Variants in HEPHL1 observed in about 807,000 individuals in gnomAD.
The protein encoded by HEPHL1 is ferroxidase HEPHL1.
Under a neutral mutation model 122.0 loss-of-function variants are expected in HEPHL1, and 123 were observed. The ratio of observed to expected loss-of-function variants is 1.01; its 90% CI spans 0.87 to 1.17. HEPHL1 has a LOEUF of 1.17. Ranked by LOEUF, HEPHL1 falls within the 50% of genes most tolerant of loss-of-function variation. The pLI is 0.00. For synonymous variants in HEPHL1, 527 were observed against 508.9 expected, an observed-to-expected ratio of 1.04 and a Z score of -0.48; for missense variants, 1,452 against 1,430.5, an observed-to-expected ratio of 1.01 and a Z score of -0.24.
intron 10 of HEPHL1, among the ~76,000 whole-genome samples, chr11:94,084,637 T>C (rs982325007): frequency 9.9e-5 from 15 of 152,192 alleles, no homozygotes; most frequent in African/African-American, 3.6e-4. Flanking sequence ...AAAGAGAGGC[T>C]TTAAACAAGC....
chr11:94,072,272 A>G (rs926792357), intron 6 of HEPHL1, among the ~76,000 whole-genome samples: 7 of 152,104 alleles, frequency 4.6e-5, no homozygotes, highest in Non-Finnish European at 8.8e-5. Flanking sequence ...AGGTTCATAT[A>G]ATGGGCTCCA....
intron 15 of HEPHL1, among the ~76,000 whole-genome samples, chr11:94,103,807 G>C (rs1033529504): frequency 1.3e-5 from 2 of 152,134 alleles, no homozygotes; most frequent in Non-Finnish European, 2.9e-5. Context: ...AGTTATACTG[G>C]ACAGTTCTAG....
At chr11:94,058,497 A>G (rs1025053550) in intron 2 of HEPHL1, among the ~76,000 whole-genome samples, 3 of 152,114 alleles carry the variant, frequency 2.0e-5, no homozygotes, top group African/African-American at 7.2e-5. Flanking sequence ...GTTGCTTCCA[A>G]AATATCATCC....
Position 94,067,678 on chromosome 11 carries a change from C to T in HEPHL1, c.991C>T (p.Leu331Phe), listed in dbSNP as rs1053915084. The T allele has an allele frequency of 7.4e-6, 12 of 1,613,606 alleles. No individual in the cohort carries two copies. The African/African-American group carries it at 1.5e-4, about 20-fold the overall frequency. Residue 331 changes from leucine (L) to phenylalanine (F), a missense_variant, in exon 5 of 20, where the codon CTT (leucine) becomes TTT (phenylalanine). Physicochemically the swap from Leu to Phe is conservative, Grantham distance 22 (BLOSUM62 0). Coordinates refer to ENST00000315765, the MANE Select transcript of HEPHL1 (RefSeq NM_001098672.2). Reference protein sequence around the residue: ...DVVNLFPATFLTTEMIAENPG... With the variant: ...DVVNLFPATFFTTEMIAENPG... ...CGTCAACCTGTTCCCAGCCACCTTC[C>T]TTACAACAGAAATGATAGCCGAGAA...
chr11:94,075,193 G>A lies in HEPHL1; in HGVS notation c.1524G>A (p.Ala508=), dbSNP rs147597778. 100 of 1,612,794 alleles carry A rather than the reference G, an allele frequency of 6.2e-5. No homozygotes were observed. Among genetic ancestry groups the A allele is most frequent in the East Asian group, 3.3e-4 (15 of 44,864 alleles). Residue 508 remains alanine, a synonymous_variant, in exon 9 of 20, where the codon GCG becomes GCA. Transcript: ENST00000315765. The part of the protein sequence containing the change: ...PNLDGFVKPG[A]HVKPGETFTY... ...CCTCAGGATTTGTGAAACCAGGGGC[G>A]CATGTTAAACCAGGTGAAACCTTCA...
At chr11:94,043,905 T>C (rs1451807482) in intron 1 of HEPHL1, among the ~76,000 whole-genome samples, 1 of 151,978 alleles carries the variant, frequency 6.6e-6, no homozygotes, top group African/African-American at 2.4e-5. Context: ...TCCCTGGTAC[T>C]GATGGCAGGG....
At chr11:94,049,993 A>G (rs1307658600) in intron 2 of HEPHL1, among the ~76,000 whole-genome samples, 3 of 152,184 alleles carry the variant, frequency 2.0e-5, no homozygotes, top group African/African-American at 7.2e-5. Context: ...CAATCCATGA[A>G]CATGGAATTT....
Position 94,101,254 on chromosome 11 carries a change from A to G in HEPHL1, c.2494A>G (p.Ser832Gly), listed in dbSNP as rs1307879063. ...CCTGATCATATTTAAGAACAAAGCC[A>G]GTAGGCCCTACTCCATCTCAGCCCA... ...TVLIIFKNKASRPYSISAQGV... is the reference protein window; with the variant it reads ...TVLIIFKNKAGRPYSISAQGV... The change falls in exon 14 of 20, where the codon AGT (serine) becomes GGT (glycine). Residue 832 changes from serine (S) to glycine (G), a missense_variant. Ser to Gly is a moderately conservative substitution (Grantham distance 56). Coordinates refer to ENST00000315765, the MANE Select transcript of HEPHL1 (RefSeq NM_001098672.2). 6.2e-7 allele frequency: 1 copy of G among 1,614,020 alleles called. No individual in the cohort carries two copies. The highest frequency in any genetic ancestry group is 1.3e-5 in the African/African-American group (1 of 75,070).
At chr11:94,042,883 A>AAACAACAAAAAACAAAC (rs1555058767) in intron 1 of HEPHL1, among the ~76,000 whole-genome samples, 1 of 132,398 alleles carries the variant, frequency 7.6e-6, no homozygotes, top group Non-Finnish European at 1.6e-5. Context: ...AATAAAAAAA[A>AAACAACAAAAAACAAAC]AAAAAAAAAA....
chr11:94,044,317 T>A (rs1945814690), intron 1 of HEPHL1, among the ~76,000 whole-genome samples: 2 of 152,162 alleles, frequency 1.3e-5, no homozygotes, highest in African/African-American at 4.8e-5. Flanking sequence ...CCTTTTCTTC[T>A]ATTGCACCAC....
chr11:94,026,013 G>C (rs1945621661), intron 1 of HEPHL1, among the ~76,000 whole-genome samples: 1 of 152,170 alleles, frequency 6.6e-6, no homozygotes, highest in Non-Finnish European at 1.5e-5. Context: ...TTCATTTGTA[G>C]AAGAATCCAG....
At chr11:94,037,686 A>G (rs1230600966) in intron 1 of HEPHL1, among the ~76,000 whole-genome samples, 1 of 152,098 alleles carries the variant, frequency 6.6e-6, no homozygotes, top group East Asian at 1.9e-4. Context: ...AAAATAACAA[A>G]CAGAAAGGAC....
At chr11:94,037,054 TG>T (rs887234235) in intron 1 of HEPHL1, among the ~76,000 whole-genome samples, 27 of 152,104 alleles carry the variant, frequency 1.8e-4, no homozygotes, top group Non-Finnish European at 3.2e-4. Flanking sequence ...TTGCCTCACC[TG>T]GGAAGCGCAA....
chr11:94,053,518 T>A (rs1034085331), intron 2 of HEPHL1, among the ~76,000 whole-genome samples: 6 of 152,084 alleles, frequency 3.9e-5, no homozygotes, highest in Admixed American at 3.3e-4. Context: ...TCTCTTCCTT[T>A]TCTAGTTTCT....
At chr11:94,097,916 C>T (rs538117004) in intron 13 of HEPHL1, among the ~76,000 whole-genome samples, 8 of 152,232 alleles carry the variant, frequency 5.3e-5, no homozygotes, top group East Asian at 1.9e-4. Flanking sequence ...TGTCTCTGCA[C>T]GTGAGATGGG....
rs1946305493 is a variant in HEPHL1, at chr11:94,095,676, G to GCA, written c.2434+2036_2434+2037insCA. Among the ~76,000 whole-genome samples the GCA allele has an allele frequency of 5.3e-5, 8 of 152,184 alleles. No homozygotes were observed. In the South Asian group the frequency reaches 1.0e-3, roughly 20 times the overall value. On this transcript the variant is annotated intron_variant, in intron 13 of 19. Coordinates refer to ENST00000315765, the MANE Select transcript of HEPHL1 (RefSeq NM_001098672.2). ...ATGAGCATGGAATATTCTTCTGTTT[G>GCA]TTTGTGTCCTCTTTTATTTTGTTGA... is the stretch of plus-strand genomic sequence containing the variant.
At chr11:94,080,897 C>T (rs535199517) in intron 9 of HEPHL1, among the ~76,000 whole-genome samples, 1 of 152,230 alleles carries the variant, frequency 6.6e-6, no homozygotes, top group African/African-American at 2.4e-5. Context: ...TCCTCAAAGA[C>T]CTAGAACCAG....
chr11:94,057,728 G>A (rs1264318457), intron 2 of HEPHL1, among the ~76,000 whole-genome samples: 2 of 152,042 alleles, frequency 1.3e-5, no homozygotes, highest in Non-Finnish European at 1.5e-5. Flanking sequence ...TATTATAGCT[G>A]CTTTGAAGTC....
At position 94,078,522 on chromosome 11, in the gene HEPHL1, C is replaced by T. The variant is rs568854252; in HGVS notation, c.1716+3137C>T. ...AGATATTTATTATGAGGAATTGGCT[C>T]ATATGATTATGGAGACTGATAGATC... is the stretch of plus-strand genomic sequence containing the variant. On this transcript the variant is annotated intron_variant, in intron 9 of 19. Coordinates refer to ENST00000315765, the MANE Select transcript of HEPHL1 (RefSeq NM_001098672.2). Among the ~76,000 whole-genome samples the T allele has an allele frequency of 3.1e-4, 45 of 147,106 alleles. 1 individual carries two copies. The South Asian group carries it at 9.2e-3, about 30-fold the overall frequency.
Sources: allele counts gnomAD v4.1 joint callset (sites outside exome capture counted in the v4.1 genomes callset), GRCh38; gene constraint gnomAD v4.1.1; transcripts MANE v1.5; gene names NCBI Gene and HGNC (gene_info 2026-07-23, HGNC 2026-07-21).